The following ABCC12 variants were observed in gnomAD, a reference collection of about 807,000 sequenced individuals.
The protein encoded by ABCC12 is ATP-binding cassette sub-family C member 12.
In ABCC12, 142 loss-of-function variants were observed where a neutral mutation model predicts 151.1. That is an observed-to-expected ratio of 0.94 (90% CI 0.82 to 1.08). The LOEUF (loss-of-function observed/expected upper bound fraction) is 1.08, where lower values mean the gene tolerates loss of function less well. ABCC12 is among the 50% of genes least tolerant of loss of function. The pLI is 0.00. For missense variants in ABCC12, 1,638 were observed against 1,691.1 expected (o/e 0.97, Z 0.55); for synonymous variants, 645 against 646.4 (o/e 1.00, Z 0.03).
At chr16:48,129,775 G>A (rs547506290) in intron 10 of ABCC12, among the ~76,000 whole-genome samples, 2 of 152,362 alleles carry the variant, frequency 1.3e-5, no homozygotes, top group South Asian at 2.1e-4. Flanking sequence ...GGCAATGGCA[G>A]TAGGGACAGA....
chr16:48,149,871 A>G (rs1206159398), intron 2 of ABCC12, among the ~76,000 whole-genome samples: 2 of 152,234 alleles, frequency 1.3e-5, no homozygotes, highest in African/African-American at 4.8e-5. Context: ...AATTACAACC[A>G]CAATCACAAT....
At chr16:48,106,284 G>C (rs1252149020) in intron 20 of ABCC12, among the ~76,000 whole-genome samples, 1 of 152,124 alleles carries the variant, frequency 6.6e-6, no homozygotes, top group African/African-American at 2.4e-5. Context: ...GGGGCACCAG[G>C]GCCAAACACA....
intron 2 of ABCC12, among the ~76,000 whole-genome samples, chr16:48,146,954 C>T (rs1007665636): frequency 2.0e-5 from 3 of 152,034 alleles, no homozygotes; most frequent in Non-Finnish European, 4.4e-5. Context: ...CATGCGCATA[C>T]ACCCACACAC....
In ABCC12 at chr16:48,096,670, C is replaced by T; in HGVS notation, c.3195+76G>A. The T allele has an allele frequency of 3.4e-6, 5 of 1,481,840 alleles. No individual in the cohort carries two copies. In the South Asian group the frequency reaches 4.8e-5, roughly 14 times the overall value. The allele number at this position is 1,481,840 out of a possible 1,614,324, so 91.8% of individuals were successfully genotyped here. On this transcript the variant is annotated intron_variant, in intron 24 of 30. Transcript: ENST00000311303. ...ATTCGAGTTGGGGTTTTTGTTGTGT[C>T]CATCCAAAAGCACCCTCGCTGATGT...
At position 48,138,389 on chromosome 16, in the gene ABCC12, A is replaced by G. The variant is rs776309832; in HGVS notation, c.832-14T>C. 1.7e-5 allele frequency: 28 copies of G among 1,601,212 alleles called. No individual in the cohort carries two copies. The highest frequency in any genetic ancestry group is 2.2e-5 in the Non-Finnish European group (26 of 1,169,852). ...GGCCATAAACATCTGAAATCAAGGT[A>G]CAAACACTGTTTTCAGAGAGAAGTG... is the stretch of plus-strand genomic sequence containing the variant. On this transcript the variant is annotated splice_polypyrimidine_tract_variant and intron_variant, in intron 7 of 30. Coordinates refer to ENST00000311303, the MANE Select transcript of ABCC12 (RefSeq NM_001393797.1).
intron 8 of ABCC12, among the ~76,000 whole-genome samples, chr16:48,135,543 G>T (rs538061746): frequency 5.1e-4 from 78 of 151,890 alleles, no homozygotes; most frequent in African/African-American, 1.8e-3. Flanking sequence ...ACCACACCCA[G>T]ATAATTTTTT....
chr16:48,146,499 T>C, intron 2 of ABCC12, 25 bp from the exon 3 acceptor site: 1 of 1,193,266 alleles, frequency 8.4e-7, no homozygotes, highest in Non-Finnish European at 1.2e-6. Flanking sequence ...TGGCAAAGGT[T>C]ATTGAGAGGT....
intron 18 of ABCC12, 41 bp downstream of exon 18, chr16:48,111,395 A>G (rs1269815866): frequency 6.3e-7 from 1 of 1,598,414 alleles, no homozygotes; most frequent in South Asian, 1.1e-5. Flanking sequence ...TGCCCAATAC[A>G]TCCTTAAGTG....
intron 4 of ABCC12, among the ~76,000 whole-genome samples, 192 bp downstream of exon 4, chr16:48,143,718 G>A (rs1249621341): frequency 6.6e-6 from 1 of 152,178 alleles, no homozygotes; most frequent in Non-Finnish European, 1.5e-5. Context: ...TGCACACACT[G>A]TCTTGCCTGC....
In ABCC12 at chr16:48,082,070, C is replaced by T. The variant is rs1962365384; in HGVS notation, c.*1645G>A. Among the ~76,000 whole-genome samples the T allele has an allele frequency of 1.3e-5, 2 of 152,178 alleles. No individual in the cohort carries two copies. The highest frequency in any genetic ancestry group is 6.5e-5 in the Admixed American group (1 of 15,272). ...TTAATGACCTTCAGTCAGGGTCATG[C>T]ACCATGGGGGAAAGCTCAGATCAGG... On this transcript the variant is annotated 3_prime_UTR_variant, in exon 31 of 31. Transcript: ENST00000311303.
intron 8 of ABCC12, among the ~76,000 whole-genome samples, chr16:48,134,232 G>C (rs1964531401): frequency 6.6e-6 from 1 of 152,238 alleles, no homozygotes; most frequent in South Asian, 2.1e-4. Context: ...CAGTGCAGGG[G>C]AGGCTGGTGC....
At position 48,130,777 on chromosome 16, in the gene ABCC12, G is replaced by A. The variant is rs368716004; in HGVS notation, c.1236+11C>T. ...GATCTCTCTTCCCTACTCACCCAGG[G>A]TTAGTTATACCTTCATTCTCCTTAG... On this transcript the variant is annotated intron_variant, in intron 10 of 30. Coordinates refer to ENST00000311303, the MANE Select transcript of ABCC12 (RefSeq NM_001393797.1). 1 of 1,585,396 alleles carries A rather than the reference G, an allele frequency of 6.3e-7. No homozygotes were observed. The highest frequency in any genetic ancestry group is 1.3e-5 in the African/African-American group (1 of 74,360).
intron 24 of ABCC12, among the ~76,000 whole-genome samples, chr16:48,092,518 G>A (rs1300407277): frequency 1.3e-5 from 2 of 152,220 alleles, no homozygotes; most frequent in Admixed American, 6.5e-5. Context: ...GCCCTGGAAG[G>A]GTGGGGCAGC....
intron 23 of ABCC12, among the ~76,000 whole-genome samples, chr16:48,098,795 A>G (rs912321660): frequency 1.3e-5 from 2 of 152,226 alleles, no homozygotes; most frequent in Non-Finnish European, 2.9e-5. Context: ...GAAAGAAACT[A>G]TTAAAAGAAG....
At chr16:48,099,437 A>C (rs766461106) in intron 23 of ABCC12, among the ~76,000 whole-genome samples, 1 of 152,158 alleles carries the variant, frequency 6.6e-6, no homozygotes, top group South Asian at 2.1e-4. Context: ...ATGCAATTCC[A>C]AACTTAGAAT....
rs1567457887 is a variant in ABCC12, at chr16:48,141,914, T to C, written c.276-561A>G. ...TTTAAGCCGATGTGACAAGATCATT[T>C]TGCACATCTAAAAGATCAATTGGCT... On this transcript the variant is annotated intron_variant, in intron 4 of 30. Coordinates refer to ENST00000311303, the MANE Select transcript of ABCC12 (RefSeq NM_001393797.1). Among the ~76,000 whole-genome samples, 4 of 152,296 alleles carry C rather than the reference T, an allele frequency of 2.6e-5. No individual in the cohort carries two copies. In the South Asian group the frequency reaches 8.3e-4, roughly 32 times the overall value.
intron 13 of ABCC12, 91 bp from the exon 14 acceptor site, chr16:48,117,424 G>A (rs1172016476): frequency 7.1e-7 from 1 of 1,411,548 alleles, no homozygotes; most frequent in Admixed American, 1.9e-5. Context: ...TGGTGTTGCT[G>A]GGGCAAGGCC....
At chr16:48,092,235 T>C (rs936518478) in intron 24 of ABCC12, among the ~76,000 whole-genome samples, 2 of 152,134 alleles carry the variant, frequency 1.3e-5, no homozygotes, top group Admixed American at 6.5e-5. Context: ...CAAACAAACA[T>C]AGGCGGTGAA....
chr16:48,104,882 C>T (rs750198288), intron 21 of ABCC12, among the ~76,000 whole-genome samples: 1 of 152,194 alleles, frequency 6.6e-6, no homozygotes, highest in South Asian at 2.1e-4. Context: ...GCTTGGCCTG[C>T]GCATCTCTGC....
Sources: allele counts gnomAD v4.1 joint callset (sites outside exome capture counted in the v4.1 genomes callset), GRCh38; gene constraint gnomAD v4.1.1; transcripts MANE v1.5; gene names NCBI Gene and HGNC (gene_info 2026-07-23, HGNC 2026-07-21).